SLC1A3: variants seen among roughly 807,000 people sequenced by gnomAD.
SLC1A3 encodes solute carrier family 1 member 3, also known as excitatory amino acid transporter 1.
Under a neutral mutation model 48.1 loss-of-function variants are expected in SLC1A3, and 21 were observed. The ratio of observed to expected loss-of-function variants is 0.44; its 90% CI spans 0.31 to 0.63. The LOEUF (loss-of-function observed/expected upper bound fraction) is 0.63. Among genes scored for constraint, SLC1A3 ranks in the 20% least tolerant of loss-of-function variants. The pLI is 0.08. For missense variants in SLC1A3, 546 were observed against 689.0 expected, an observed-to-expected ratio of 0.79 and a Z score of 2.32; for synonymous variants, 239 against 251.4, an observed-to-expected ratio of 0.95 and a Z score of 0.47.
At chr5:36,612,478 G>T (rs1398669110) in intron 2 of SLC1A3, among the ~76,000 whole-genome samples, 2 of 151,830 alleles carry the variant, frequency 1.3e-5, no homozygotes, top group South Asian at 2.1e-4. Flanking sequence ...CCAGCTACTT[G>T]GGGGGGCTGA....
chr5:36,666,298 G>A (rs985946769), intron 3 of SLC1A3: 1 of 152,152 alleles, frequency 6.6e-6, no homozygotes, highest in Non-Finnish European at 1.5e-5. Context: ...TGCTTTCCTT[G>A]TAAGTTTGCC....
chr5:36,616,296 G>A (rs565677115), intron 2 of SLC1A3, among the ~76,000 whole-genome samples: 3 of 152,272 alleles, frequency 2.0e-5, no homozygotes, highest in Middle Eastern at 6.8e-3. Context: ...CCTATCAAGA[G>A]ATATGCTCAA....
At chr5:36,628,944 T>C (rs1705492322) in intron 2 of SLC1A3, among the ~76,000 whole-genome samples, 1 of 152,088 alleles carries the variant, frequency 6.6e-6, no homozygotes, top group African/African-American at 2.4e-5. Context: ...AGGGAGATGA[T>C]GAAAATGGAT....
At chr5:36,615,236 C>G (rs939753000) in intron 2 of SLC1A3, among the ~76,000 whole-genome samples, 2 of 152,190 alleles carry the variant, frequency 1.3e-5, no homozygotes, top group African/African-American at 2.4e-5. Context: ...TAAGACAAAT[C>G]TCTGGGTCTC....
intron 3 of SLC1A3, among the ~76,000 whole-genome samples, chr5:36,632,898 A>T (rs566409168): frequency 3.9e-5 from 6 of 152,340 alleles, no homozygotes; most frequent in African/African-American, 1.4e-4. Context: ...CAATCTTTCC[A>T]AACATCCCTG....
intron 8 of SLC1A3, among the ~76,000 whole-genome samples, chr5:36,681,874 TG>T (rs1561285978): frequency 6.6e-6 from 1 of 152,138 alleles, no homozygotes; most frequent in Non-Finnish European, 1.5e-5. Context: ...AAGTCAGATT[TG>T]GGGGGATTTT....
intron 2 of SLC1A3, among the ~76,000 whole-genome samples, chr5:36,620,722 C>A (rs78976788): frequency 0.021 from 3,161 of 152,022 alleles, 70 homozygotes; most frequent in African/African-American, 0.063. Context: ...TCCAAAAAAA[C>A]CAAAAAAAGT....
At chr5:36,642,402 C>A (rs976359859) in intron 3 of SLC1A3, among the ~76,000 whole-genome samples, 1 of 152,178 alleles carries the variant, frequency 6.6e-6, no homozygotes, top group African/African-American at 2.4e-5. Context: ...TGCCACCCAC[C>A]ACTAACCTCC....
At chr5:36,645,314 G>C (rs379979) in intron 3 of SLC1A3, among the ~76,000 whole-genome samples, 43 of 112,704 alleles carry the variant, frequency 3.8e-4, no homozygotes, top group Middle Eastern at 5.1e-3. Context: ...ACTGACTTCC[G>C]CTGCCTTTTT....
intron 1 of SLC1A3, among the ~76,000 whole-genome samples, chr5:36,599,076 C>T (rs762967243): frequency 3.9e-5 from 6 of 152,132 alleles, no homozygotes; most frequent in Non-Finnish European, 7.3e-5. Flanking sequence ...CATAAAACAG[C>T]GCATCTCAAA....
intron 3 of SLC1A3, among the ~76,000 whole-genome samples, chr5:36,661,724 A>G (rs1741523300): frequency 6.6e-6 from 1 of 152,198 alleles, no homozygotes; most frequent in African/African-American, 2.4e-5. Flanking sequence ...GGTCTTTAAC[A>G]TTCATATATT....
chr5:36,627,529 C>T (rs1397530380), intron 2 of SLC1A3, among the ~76,000 whole-genome samples: 1 of 151,908 alleles, frequency 6.6e-6, no homozygotes, highest in Non-Finnish European at 1.5e-5. Flanking sequence ...AAATAGCCTT[C>T]ATATATTCAT....
At chr5:36,646,441 T>G (rs1740843841) in intron 3 of SLC1A3, among the ~76,000 whole-genome samples, 1 of 152,214 alleles carries the variant, frequency 6.6e-6, no homozygotes, top group African/African-American at 2.4e-5. Flanking sequence ...TTTTGGAAAT[T>G]TAAATGTTAA....
At chr5:36,621,832 A>G (rs1264242255) in intron 2 of SLC1A3, among the ~76,000 whole-genome samples, 4 of 152,170 alleles carry the variant, frequency 2.6e-5, no homozygotes, top group Admixed American at 1.3e-4. Context: ...GTATAGCTCA[A>G]TTGTCAAGTG....
At chr5:36,656,028 A>C (rs957365345) in intron 3 of SLC1A3, among the ~76,000 whole-genome samples, 1 of 152,218 alleles carries the variant, frequency 6.6e-6, no homozygotes, top group African/African-American at 2.4e-5. Flanking sequence ...GACTGAGAAC[A>C]TTGGTGTTGC....
At chr5:36,610,788 A>T (rs1739161771) in intron 2 of SLC1A3, among the ~76,000 whole-genome samples, 1 of 152,170 alleles carries the variant, frequency 6.6e-6, no homozygotes, top group South Asian at 2.1e-4. Flanking sequence ...TTGCAATAAG[A>T]GTTGGCTGAG....
At chr5:36,608,792 C>T (rs1739073726) in intron 2 of SLC1A3, 188 bp downstream of exon 2, 1 of 1,409,634 alleles carries the variant, frequency 7.1e-7, no homozygotes, top group Non-Finnish European at 9.2e-7. Context: ...ATATAGTAAA[C>T]ACATCATTAG....
chr5:36,675,103 C>T (rs572884163), intron 5 of SLC1A3, among the ~76,000 whole-genome samples: 1 of 152,280 alleles, frequency 6.6e-6, no homozygotes, highest in African/African-American at 2.4e-5. Context: ...ATCTGTAAAA[C>T]AAACCAAACA....
chr5:36,599,734 C>G (rs1738786670), intron 1 of SLC1A3, among the ~76,000 whole-genome samples: 1 of 151,994 alleles, frequency 6.6e-6, no homozygotes, highest in Non-Finnish European at 1.5e-5. Context: ...TCTCGTACTC[C>G]TGACCTTGTG....
Sources: allele counts gnomAD v4.1 joint callset (sites outside exome capture counted in the v4.1 genomes callset), GRCh38; gene constraint gnomAD v4.1.1; transcripts MANE v1.5; gene names NCBI Gene and HGNC (gene_info 2026-07-23, HGNC 2026-07-21).